ARHGAP20: variants seen among roughly 807,000 people sequenced by gnomAD.
ARHGAP20 encodes Rho GTPase activating protein 20.
A neutral mutation model predicts 73.7 loss-of-function variants in ARHGAP20; 34 were observed. That is an observed-to-expected ratio of 0.46 (90% CI 0.35 to 0.61). ARHGAP20 has a LOEUF of 0.61. Ranked by LOEUF, ARHGAP20 falls within the 20% of genes least tolerant of loss-of-function variation. The probability of loss-of-function intolerance (pLI) is 0.00; values close to 1 mark genes in which losing one functional copy is unlikely to be tolerated. For missense variants in ARHGAP20, 1,314 were observed against 1,420.9 expected (o/e 0.92, Z 1.21); for synonymous variants, 523 against 518.2 (o/e 1.01, Z -0.13).
In ARHGAP20 at chr11:110,579,040, A is replaced by C. The variant is rs117674052; in HGVS notation, c.*330T>G. 13,336 of 1,008,260 alleles carry C rather than the reference A, an allele frequency of 0.013. 96 individuals are homozygous for C. Among genetic ancestry groups the C allele is most frequent in the Middle Eastern group, 0.014 (28 of 1,966 alleles). 62.5% of individuals were successfully genotyped at this position (1,008,260 alleles called of 1,614,324 possible). A position where few individuals can be genotyped will look rare whatever the true frequency, so the allele number is the denominator to read the frequency against. On this transcript the variant is annotated 3_prime_UTR_variant, in exon 15 of 15. Coordinates refer to ENST00000683387, the MANE Select transcript of ARHGAP20 (RefSeq NM_001384657.1). ...TTCCTGATATCTTGGTCTTCTCAGGACATCAATCTCACAGACTGTTCCCAT... is the reference window on the plus strand; with the variant it reads ...TTCCTGATATCTTGGTCTTCTCAGGCCATCAATCTCACAGACTGTTCCCAT...
At chr11:110,625,037 T>TTATTTA (rs1555090195) in intron 3 of ARHGAP20, among the ~76,000 whole-genome samples, 1 of 137,738 alleles carries the variant, frequency 7.3e-6, no homozygotes, top group Admixed American at 7.1e-5. Context: ...TTTTTATTTT[T>TTATTTA]TTTTTTTTTT....
At chr11:110,623,664 A>G (rs1401738163) in intron 4 of ARHGAP20, among the ~76,000 whole-genome samples, 2 of 152,264 alleles carry the variant, frequency 1.3e-5, no homozygotes, top group Non-Finnish European at 2.9e-5. Flanking sequence ...CATTAATTGA[A>G]ACTTAATTGG....
At position 110,621,292 on chromosome 11, in the gene ARHGAP20, T is replaced by A. The variant is rs117535057; in HGVS notation, c.503+2870A>T. The stretch of plus-strand genomic sequence containing the variant: ...TCACACTGTCTAGGGTTCAGTGAGC[T>A]GTATATTTATGCCTTTTACCAAATT... On this transcript the variant is annotated intron_variant, in intron 4 of 14. Transcript: ENST00000683387. Among the ~76,000 whole-genome samples, 893 of 152,248 alleles carry A rather than the reference T, an allele frequency of 5.9e-3. 4 individuals are homozygous for A. Among genetic ancestry groups the A allele is most frequent in the Admixed American group, 0.011 (163 of 15,298 alleles).
intron 3 of ARHGAP20, among the ~76,000 whole-genome samples, chr11:110,625,079 G>A (rs1001861308): frequency 1.0e-4 from 15 of 145,564 alleles, no homozygotes; most frequent in African/African-American, 1.8e-4. Context: ...CGCCCAGGCC[G>A]GACTGCGGAC....
rs1480749581 is a variant in ARHGAP20 at position 110,612,453 on chromosome 11, CA to C, written c.631-1068del. Among the ~76,000 whole-genome samples, 4 of 151,044 alleles carry C rather than the reference CA, an allele frequency of 2.6e-5. No homozygotes were observed. The East Asian group carries it at 5.8e-4, about 22-fold the overall frequency. ...AAAAAAAAAACAAAAAACAAACAAA[CA>C]AACAAAAAGAGTTAACAAGATTCTG... On this transcript the variant is annotated intron_variant, in intron 6 of 14. Transcript: ENST00000683387.
chr11:110,649,248 C>A (rs1302260432), intron 2 of ARHGAP20, among the ~76,000 whole-genome samples: 2 of 136,090 alleles, frequency 1.5e-5, no homozygotes, highest in Non-Finnish European at 3.1e-5. Context: ...CTATGTTTCC[C>A]AGGCTGGTCT....
At chr11:110,674,756 C>T (rs541362179) in intron 2 of ARHGAP20, among the ~76,000 whole-genome samples, 55 of 152,086 alleles carry the variant, frequency 3.6e-4, no homozygotes, top group Non-Finnish European at 4.9e-4. Context: ...TGTTGTTCTA[C>T]ACCTCAAAAC....
intron 2 of ARHGAP20, among the ~76,000 whole-genome samples, chr11:110,687,067 CACACACACACATATATATAG>C (rs1565477778): frequency 1.8e-5 from 2 of 108,934 alleles, no homozygotes; most frequent in African/African-American, 4.1e-5. Flanking sequence ...GACACACACA[CACACACACACATATATATAG>C]ACACACACAC....
chr11:110,701,875 C>T (rs1281504178), intron 1 of ARHGAP20, among the ~76,000 whole-genome samples: 1 of 151,958 alleles, frequency 6.6e-6, no homozygotes, highest in Non-Finnish European at 1.5e-5. Context: ...TCAGGTTTGT[C>T]AAAGATCAGA....
rs376084100 is a variant in ARHGAP20, at chr11:110,664,334, T to C, written c.188+26213A>G. Among the ~76,000 whole-genome samples the C allele has an allele frequency of 3.3e-5, 5 of 152,178 alleles. No homozygotes were observed. The East Asian group carries it at 9.6e-4, about 29-fold the overall frequency. Reference sequence around the variant, plus strand: ...AAGCTAACAAGTGAGTTTAGGAAGGTTGCAGGATATAAGACATATATATAT... The same window carrying C: ...AAGCTAACAAGTGAGTTTAGGAAGGCTGCAGGATATAAGACATATATATAT... On this transcript the variant is annotated intron_variant, in intron 2 of 14. Coordinates refer to ENST00000683387, the MANE Select transcript of ARHGAP20 (RefSeq NM_001384657.1).
intron 1 of ARHGAP20, among the ~76,000 whole-genome samples, chr11:110,695,676 A>G (rs1950322365): frequency 6.6e-6 from 1 of 151,656 alleles, no homozygotes; most frequent in Non-Finnish European, 1.5e-5. Flanking sequence ...AAAGATAATT[A>G]CAAGTGTTGG....
chr11:110,609,139 C>A, intron 7 of ARHGAP20, 89 bp from the exon 8 acceptor site: 2 of 1,104,016 alleles, frequency 1.8e-6, no homozygotes, highest in Non-Finnish European at 1.4e-6. Context: ...GTTATGTGTC[C>A]TCCCTCCTGC....
At chr11:110,597,267 T>G (rs962528733) in intron 9 of ARHGAP20, among the ~76,000 whole-genome samples, 2 of 149,724 alleles carry the variant, frequency 1.3e-5, no homozygotes, top group Non-Finnish European at 2.9e-5. Context: ...TGTGCACATG[T>G]ACCCTAAAGT....
intron 9 of ARHGAP20, among the ~76,000 whole-genome samples, chr11:110,594,745 T>C (rs1947911351): frequency 6.6e-6 from 1 of 152,064 alleles, no homozygotes; most frequent in Admixed American, 6.5e-5. Flanking sequence ...TCTGAAACTA[T>C]TCCAATCAAT....
intron 2 of ARHGAP20, among the ~76,000 whole-genome samples, chr11:110,678,468 T>G (rs1204733465): frequency 6.6e-6 from 1 of 152,220 alleles, no homozygotes. Context: ...CCTTTTCATT[T>G]ATAAACTGGA....
intron 8 of ARHGAP20, among the ~76,000 whole-genome samples, chr11:110,607,097 TAG>T (rs1948252276): frequency 6.6e-6 from 1 of 152,196 alleles, no homozygotes; most frequent in Non-Finnish European, 1.5e-5. Flanking sequence ...TGACATTAAC[TAG>T]ATATATAAAT....
rs79770437 is a variant in ARHGAP20, at chr11:110,599,425, G to A, written c.964+7136C>T. Among the ~76,000 whole-genome samples the A allele has an allele frequency of 9.5e-3, 1,449 of 152,332 alleles. 23 individuals are homozygous for A. Among genetic ancestry groups the A allele is most frequent in the African/African-American group, 0.033 (1,371 of 41,572 alleles). On this transcript the variant is annotated intron_variant, in intron 9 of 14. Transcript: ENST00000683387. The stretch of plus-strand genomic sequence containing the variant: ...GGACTTTGGGTGCCAACAAGCATAG[G>A]AGGGAAGCCGATCGGGGGCTGAGGC...
At chr11:110,626,968 A>T (rs1041845450) in intron 3 of ARHGAP20, among the ~76,000 whole-genome samples, 2 of 152,174 alleles carry the variant, frequency 1.3e-5, no homozygotes, top group African/African-American at 4.8e-5. Context: ...ATAGAAATTT[A>T]AAAATGCTAA....
chr11:110,707,224 A>G (rs1950566451), intron 1 of ARHGAP20, among the ~76,000 whole-genome samples: 1 of 152,138 alleles, frequency 6.6e-6, no homozygotes, highest in Non-Finnish European at 1.5e-5. Context: ...AGATTTTTCA[A>G]TTAGCATATG....
Sources: allele counts gnomAD v4.1 joint callset (sites outside exome capture counted in the v4.1 genomes callset), GRCh38; gene constraint gnomAD v4.1.1; transcripts MANE v1.5; gene names NCBI Gene and HGNC (gene_info 2026-07-23, HGNC 2026-07-21).